NEMP2: variants seen among roughly 807,000 people sequenced by gnomAD.
NEMP2 encodes the protein UPF0571 transmembrane protein.
In NEMP2, 53 loss-of-function variants were observed where a neutral mutation model predicts 54.2. That is an observed-to-expected ratio of 0.98 (90% CI 0.78 to 1.23). The LOEUF is 1.23. Ranked by LOEUF, NEMP2 falls within the 50% of genes most tolerant of loss-of-function variation. The probability of loss-of-function intolerance (pLI) is 0.00; values close to 1 mark genes in which losing one functional copy is unlikely to be tolerated. For missense variants in NEMP2, 455 were observed against 511.3 expected (o/e 0.89, Z 1.06); for synonymous variants, 197 against 190.3 (o/e 1.04, Z -0.29).
chr2:190,452,456 G>A, the NEMP2 span, among the ~76,000 whole-genome samples: 1 of 152,076 alleles, frequency 6.6e-6, no homozygotes, highest in Admixed American at 6.5e-5. Context: ...TGTGAGTTAG[G>A]CATTGTTATG....
chr2:190,590,524 ATTC>A, the NEMP2 span, among the ~76,000 whole-genome samples: 2 of 152,024 alleles, frequency 1.3e-5, no homozygotes, highest in Non-Finnish European at 2.9e-5. The surrounding 1 kb of genome is among the most constrained non-coding windows in gnomAD (Gnocchi z 5.1). Flanking sequence ...AACATCTCCT[ATTC>A]TTCTTCCCTC....
At chr2:190,532,334 A>G (rs190066170) in intron 1 of NEMP2, among the ~76,000 whole-genome samples, 35 of 152,316 alleles carry the variant, frequency 2.3e-4, no homozygotes, top group Admixed American at 1.7e-3. Flanking sequence ...GAATTAGTAT[A>G]TACTCATGCA....
chr2:190,517,757 T>TA (rs1690612347), intron 4 of NEMP2, 144 bp from the exon 5 acceptor site: 2 of 634,430 alleles, frequency 3.2e-6, no homozygotes, highest in East Asian at 3.1e-5. Flanking sequence ...CCTATACTCT[T>TA]AAAAAACAAA....
At chr2:190,471,448 G>A in the NEMP2 span, among the ~76,000 whole-genome samples, 11 of 152,256 alleles carry the variant, frequency 7.2e-5, no homozygotes, top group Non-Finnish European at 1.2e-4. The surrounding 1 kb of genome is among the most constrained non-coding windows in gnomAD (Gnocchi z 4.7). Context: ...ATTATATCCC[G>A]CACCTGGCTT....
the NEMP2 span, among the ~76,000 whole-genome samples, chr2:190,648,033 T>G: frequency 3.3e-5 from 5 of 152,192 alleles, no homozygotes; most frequent in African/African-American, 7.2e-5. Context: ...TGAAGGTGCT[T>G]TAATACTTTG....
At chr2:190,422,711 G>C in the NEMP2 span, among the ~76,000 whole-genome samples, 1 of 152,128 alleles carries the variant, frequency 6.6e-6, no homozygotes, top group Non-Finnish European at 1.5e-5. Context: ...TTAGGTACTA[G>C]GTGGGTCATT....
At chr2:190,428,650 CTTGCTTATTTATTTATTTAT>C in the NEMP2 span, among the ~76,000 whole-genome samples, 8 of 131,640 alleles carry the variant, frequency 6.1e-5, no homozygotes, top group East Asian at 4.5e-4. Context: ...TTTAGAGATG[CTTGCTTATTTATTTATTTAT>C]TTATTTATTT....
At chr2:190,534,060 G>GCCAA in intron 1 of NEMP2, 1 of 985,468 alleles carries the variant, frequency 1.0e-6, no homozygotes, top group South Asian at 4.7e-5. Context: ...GGTCACAACA[G>GCCAA]TCAGGGGCAG....
At chr2:190,648,699 C>T in the NEMP2 span, among the ~76,000 whole-genome samples, 2 of 151,514 alleles carry the variant, frequency 1.3e-5, no homozygotes, top group Non-Finnish European at 2.9e-5. Flanking sequence ...CCGTCTCCCT[C>T]TTTGTCGTCC....
At chr2:190,448,719 C>G in the NEMP2 span, among the ~76,000 whole-genome samples, 2 of 152,074 alleles carry the variant, frequency 1.3e-5, no homozygotes, top group Admixed American at 1.3e-4. Flanking sequence ...CTGGACAGGA[C>G]AAAAAGAGAA....
the NEMP2 span, among the ~76,000 whole-genome samples, chr2:190,443,978 A>G: frequency 5.9e-5 from 9 of 152,152 alleles, no homozygotes; most frequent in Non-Finnish European, 2.9e-5. This position sits in a 1 kb window ranked among gnomAD's most constrained non-coding sequence, Gnocchi z 4.2. Flanking sequence ...GTTGAGCCCA[A>G]AAGGAAGTCA....
chr2:190,563,903 G>A, the NEMP2 span, among the ~76,000 whole-genome samples: 1 of 152,236 alleles, frequency 6.6e-6, no homozygotes, highest in African/African-American at 2.4e-5. The surrounding 1 kb of genome is among the most constrained non-coding windows in gnomAD (Gnocchi z 4.3). Flanking sequence ...GCTGGCCCCA[G>A]GGGAGGCGGG....
rs1202525988 is a variant in NEMP2 at position 190,523,263 on chromosome 2, TA to T, written c.213+1999del. Among the ~76,000 whole-genome samples, 1 of 152,148 alleles carries T rather than the reference TA, an allele frequency of 6.6e-6. No homozygotes were observed. Among genetic ancestry groups the T allele is most frequent in the Non-Finnish European group, 1.5e-5 (1 of 68,028 alleles). On this transcript the variant is annotated intron_variant, in intron 2 of 8. Transcript: ENST00000409150. This position sits in a 1 kb window ranked among gnomAD's most constrained non-coding sequence, Gnocchi z 5.3. ...AATACACAACCTCCGAAAAAGATTTTAAAAAAACACTATAAATAAATATTGA... is the reference window on the plus strand; with the variant it reads ...AATACACAACCTCCGAAAAAGATTTTAAAAAACACTATAAATAAATATTGA...
At chr2:190,572,381 C>CCT in the NEMP2 span, among the ~76,000 whole-genome samples, 3 of 152,216 alleles carry the variant, frequency 2.0e-5, no homozygotes, top group African/African-American at 7.2e-5. Flanking sequence ...AGAACATGTG[C>CCT]CTCAACAAGT....
intron 5 of NEMP2, 55 bp from the exon 6 acceptor site, chr2:190,516,439 A>G (rs1574297942): frequency 7.8e-7 from 1 of 1,288,972 alleles, no homozygotes; most frequent in East Asian, 2.5e-5. Context: ...CTCTCATAAA[A>G]ATAAAAGCAA....
chr2:190,647,272 A>G, the NEMP2 span, among the ~76,000 whole-genome samples: 1 of 152,334 alleles, frequency 6.6e-6, no homozygotes, highest in African/African-American at 2.4e-5. Flanking sequence ...AATTATATGT[A>G]TTCCATTGCG....
chr2:190,510,521 A>G lies in NEMP2; in HGVS notation c.970T>C (p.Phe324Leu), dbSNP rs1374198722. The part of the protein sequence containing the change: ...SYMRWKMEQW[F>L]TSKELVVKYL... ...TTCACCACCAGCTCTTTTGATGTAA[A>G]CCACTGCTCCATTTTCCTAAAACAT... Residue 324 changes from phenylalanine (F) to leucine (L), a missense_variant, in exon 8 of 9, where the codon TTT becomes CTT. By Grantham distance (22) the Phe-to-Leu change is conservative. This residue lies in a region of NEMP2 where 294 missense variants were observed against 333.6 expected (regional missense o/e 0.88). Transcript: ENST00000409150. The surrounding 1 kb of genome is among the most constrained non-coding windows in gnomAD (Gnocchi z 5.7). 1 of 1,551,820 alleles carries G rather than the reference A, an allele frequency of 6.4e-7. No individual in the cohort carries two copies. Among genetic ancestry groups the G allele is most frequent in the Admixed American group, 2.0e-5 (1 of 50,986 alleles).
At chr2:190,597,785 A>C in the NEMP2 span, among the ~76,000 whole-genome samples, 1 of 152,118 alleles carries the variant, frequency 6.6e-6, no homozygotes, top group Non-Finnish European at 1.5e-5. This position sits in a 1 kb window ranked among gnomAD's most constrained non-coding sequence, Gnocchi z 4.7. Context: ...TGAGCAAAGA[A>C]TTAAAAAAAA....
chr2:190,545,200 T>C, the NEMP2 span, among the ~76,000 whole-genome samples: 1 of 152,216 alleles, frequency 6.6e-6, no homozygotes, highest in Non-Finnish European at 1.5e-5. Flanking sequence ...TTTCCCAGCA[T>C]TGGGACTCTA....
Sources: gnomAD v4.1 joint callset for allele counts (sites outside exome capture counted in the v4.1 genomes callset) on GRCh38, gnomAD v4.1.1 for gene constraint, gnomAD v4.1.1 regional missense constraint, Gnocchi (gnomAD v3.1) non-coding constraint, MANE v1.5 for transcripts, NCBI Gene and HGNC (gene_info 2026-07-23, HGNC 2026-07-21) for gene names.